Variants in MEOX2 observed in about 807,000 individuals in gnomAD.
MEOX2 encodes the protein mesenchyme homeobox 2, also known as homeobox protein MOX-2.
In MEOX2, 11 loss-of-function variants were observed where a neutral mutation model predicts 27.0. That is an observed-to-expected ratio of 0.41 (90% confidence interval 0.26 to 0.68). MEOX2 has a LOEUF of 0.68. Ranked by LOEUF, MEOX2 falls within the 30% of genes least tolerant of loss-of-function variation. MEOX2 has a pLI of 0.33. For missense variants in MEOX2, 436 were observed against 385.4 expected, an observed-to-expected ratio of 1.13 and a Z score of -1.10; for synonymous variants, 189 against 155.4, an observed-to-expected ratio of 1.22 and a Z score of -1.61.
chr7:15,622,025 G>T (rs943979224), intron 2 of MEOX2, among the ~76,000 whole-genome samples: 3 of 152,138 alleles, frequency 2.0e-5, no homozygotes, highest in Admixed American at 2.0e-4. Context: ...GACTGAGGAA[G>T]AGAATTGCTT....
At chr7:15,638,243 T>C (rs1230453381) in intron 1 of MEOX2, among the ~76,000 whole-genome samples, 3 of 152,152 alleles carry the variant, frequency 2.0e-5, no homozygotes, top group Non-Finnish European at 2.9e-5. Flanking sequence ...GTTGTGAAAG[T>C]CTGTATGCTT....
chr7:15,617,389 A>T (rs1781140368), intron 2 of MEOX2, among the ~76,000 whole-genome samples: 1 of 152,076 alleles, frequency 6.6e-6, no homozygotes, highest in South Asian at 2.1e-4. Flanking sequence ...CTAGTGATTA[A>T]ATTTGATCAT....
chr7:15,655,474 C>G (rs958322737), intron 1 of MEOX2, among the ~76,000 whole-genome samples: 27 of 151,514 alleles, frequency 1.8e-4, no homozygotes, highest in African/African-American at 5.3e-4. Flanking sequence ...GACAATTGTT[C>G]TGAAACCTTT....
chr7:15,654,981 G>C (rs1781795605), intron 1 of MEOX2, among the ~76,000 whole-genome samples: 1 of 151,286 alleles, frequency 6.6e-6, no homozygotes, highest in Non-Finnish European at 1.5e-5. Context: ...TTTCAGTTTG[G>C]TAGAATTCTC....
chr7:15,653,997 G>A (rs1351499225), intron 1 of MEOX2, among the ~76,000 whole-genome samples: 1 of 151,820 alleles, frequency 6.6e-6, no homozygotes, highest in East Asian at 1.9e-4. Flanking sequence ...GCAAATTGGG[G>A]GAAATTGACA....
intron 2 of MEOX2, among the ~76,000 whole-genome samples, chr7:15,612,995 A>T (rs1254438623): frequency 2.0e-5 from 3 of 152,190 alleles, no homozygotes; most frequent in African/African-American, 7.2e-5. Flanking sequence ...TTGATTTGAC[A>T]TCCAGCTGTC....
intron 2 of MEOX2, among the ~76,000 whole-genome samples, chr7:15,618,342 A>G (rs1408306307): frequency 1.3e-5 from 2 of 151,994 alleles, no homozygotes; most frequent in African/African-American, 4.8e-5. Context: ...TCAAAACTAA[A>G]TTAGGCACTT....
At chr7:15,638,748 T>C (rs1781520095) in intron 1 of MEOX2, among the ~76,000 whole-genome samples, 1 of 152,122 alleles carries the variant, frequency 6.6e-6, no homozygotes, top group South Asian at 2.1e-4. Context: ...CATTTCTTTC[T>C]GAGTTATTTC....
chr7:15,671,271 A>C (rs1782092080), intron 1 of MEOX2, among the ~76,000 whole-genome samples: 1 of 152,208 alleles, frequency 6.6e-6, no homozygotes, highest in Non-Finnish European at 1.5e-5. Flanking sequence ...TTTATGATAA[A>C]TTAAAGAAGC....
At chr7:15,655,878 GTGT>G (rs929322512) in intron 1 of MEOX2, among the ~76,000 whole-genome samples, 4 of 151,630 alleles carry the variant, frequency 2.6e-5, no homozygotes, top group Admixed American at 6.6e-5. Flanking sequence ...TTGGTTTATG[GTGT>G]TGTTAAGTTT....
intron 1 of MEOX2, chr7:15,680,194 G>C (rs546632302): frequency 6.6e-6 from 1 of 151,680 alleles, no homozygotes; most frequent in East Asian, 1.9e-4. Flanking sequence ...ATAATGTCAA[G>C]AGATTTTAAA....
intron 1 of MEOX2, among the ~76,000 whole-genome samples, chr7:15,638,494 ATCT>A (rs142228081): frequency 0.022 from 3,360 of 152,046 alleles, 117 homozygotes; most frequent in African/African-American, 0.076. Flanking sequence ...ACATTTCTAG[ATCT>A]TCTTTATTTT....
chr7:15,617,075 T>C (rs1781135959), intron 2 of MEOX2, among the ~76,000 whole-genome samples: 1 of 151,978 alleles, frequency 6.6e-6, no homozygotes, highest in Non-Finnish European at 1.5e-5. Context: ...GGCAAATAGG[T>C]TGATAGAAAG....
intron 1 of MEOX2, chr7:15,680,369 G>T (rs1245132619): frequency 3.3e-5 from 5 of 151,932 alleles, no homozygotes; most frequent in Non-Finnish European, 5.9e-5. Flanking sequence ...AACTGTTAGA[G>T]AAATGGGCAT....
At chr7:15,627,126 C>T (rs7781465) in intron 1 of MEOX2, among the ~76,000 whole-genome samples, 101,230 of 151,066 alleles carry the variant, frequency 0.67, 34,123 homozygotes, top group East Asian at 0.81. Flanking sequence ...ACTCACAGTC[C>T]ATTTGGGAAA....
Position 15,611,678 on chromosome 7 carries a change from C to G in MEOX2, c.*709G>C, listed in dbSNP as rs1485948110. 6.6e-6 allele frequency: 1 copy of G among 152,554 alleles called. No homozygotes were observed. The highest frequency in any genetic ancestry group is 2.4e-5 in the African/African-American group (1 of 41,424). The allele number at this position is 152,554 out of a possible 1,614,324, so 9.5% of individuals were successfully genotyped here. A position where few individuals can be genotyped will look rare whatever the true frequency, so the allele number is the denominator to read the frequency against. ...CTATCAGACTCTACTGTATTTTTCT[C>G]TACTTGAACACAGGTAAGCACATAC... On this transcript the variant is annotated 3_prime_UTR_variant, in exon 3 of 3. Transcript: ENST00000262041.
At chr7:15,628,274 G>T (rs1781347259) in intron 1 of MEOX2, among the ~76,000 whole-genome samples, 1 of 151,978 alleles carries the variant, frequency 6.6e-6, no homozygotes, top group Non-Finnish European at 1.5e-5. Context: ...CCTGCATAAT[G>T]GAAATTCACT....
At chr7:15,665,799 A>G (rs1053469490) in intron 1 of MEOX2, among the ~76,000 whole-genome samples, 3 of 152,226 alleles carry the variant, frequency 2.0e-5, no homozygotes, top group Admixed American at 1.3e-4. Context: ...TTATTGCTGA[A>G]AGCGCGCAGC....
chr7:15,645,431 A>G lies in MEOX2; in HGVS notation c.518-18513T>C, dbSNP rs927011560. ...ACCAAACACCCTTTTATATCCAAAT[A>G]CCGAAATGTAAAAGTATAGACATGG... On this transcript the variant is annotated intron_variant, in intron 1 of 2. Coordinates refer to ENST00000262041, the MANE Select transcript of MEOX2 (RefSeq NM_005924.5). Among the ~76,000 whole-genome samples the G allele has an allele frequency of 2.0e-5, 3 of 152,192 alleles. No homozygotes were observed. In the East Asian group the frequency reaches 5.8e-4, roughly 29 times the overall value.
Sources: allele counts gnomAD v4.1 joint callset (sites outside exome capture counted in the v4.1 genomes callset), GRCh38; gene constraint gnomAD v4.1.1; transcripts MANE v1.5; gene names NCBI Gene and HGNC (gene_info 2026-07-23, HGNC 2026-07-21).